Variants in ATAD2B observed in about 807,000 individuals in gnomAD.
The protein encoded by ATAD2B is ATPase family AAA domain containing 2B.
ATAD2B carries 40 observed loss-of-function variants against 167.6 expected under a neutral mutation model. That is an observed-to-expected ratio of 0.24 (90% CI 0.19 to 0.31). The LOEUF is 0.31. Ranked by LOEUF, ATAD2B falls within the 10% of genes least tolerant of loss-of-function variation. ATAD2B has a pLI of 1.00. For synonymous variants in ATAD2B, 579 were observed against 596.5 expected (o/e 0.97, Z 0.43); for missense variants, 1,242 against 1,757.2 (o/e 0.71, Z 5.24).
the ATAD2B span, among the ~76,000 whole-genome samples, chr2:23,705,343 T>C: frequency 6.6e-6 from 1 of 151,980 alleles, no homozygotes; most frequent in Non-Finnish European, 1.5e-5. Context: ...ATACAAAAAT[T>C]AGCCAGGTGT....
chr2:23,683,263 C>G, the ATAD2B span, among the ~76,000 whole-genome samples: 15,391 of 152,310 alleles, frequency 0.1, 877 homozygotes, highest in Middle Eastern at 0.17. Context: ...AGGCCACCCT[C>G]TCCCACACAC....
chr2:23,769,654 A>C (rs140554621), intron 22 of ATAD2B, among the ~76,000 whole-genome samples: 3 of 148,508 alleles, frequency 2.0e-5, no homozygotes, highest in African/African-American at 7.5e-5. Flanking sequence ...ATTACATTTG[A>C]TATGGTCTTT....
chr2:23,895,291 A>AT (rs1700028322), intron 2 of ATAD2B, among the ~76,000 whole-genome samples: 1 of 152,092 alleles, frequency 6.6e-6, no homozygotes, highest in South Asian at 2.1e-4. Context: ...ATTAAACTTA[A>AT]TTTTAGTCAG....
the ATAD2B span, among the ~76,000 whole-genome samples, chr2:23,702,618 G>A: frequency 6.6e-5 from 10 of 152,216 alleles, no homozygotes; most frequent in African/African-American, 1.4e-4. Flanking sequence ...GGGTATCAGC[G>A]CCTCCAGAAA....
chr2:23,679,446 A>T, the ATAD2B span, among the ~76,000 whole-genome samples: 7 of 152,322 alleles, frequency 4.6e-5, no homozygotes, highest in African/African-American at 1.7e-4. Context: ...AGTGAAAGTG[A>T]GCAAAGCTTC....
At chr2:23,889,066 T>G (rs34074829) in intron 2 of ATAD2B, among the ~76,000 whole-genome samples, 3,979 of 152,310 alleles carry the variant, frequency 0.026, 174 homozygotes, top group African/African-American at 0.091. Flanking sequence ...GAGTTGTCAA[T>G]GCAAACTAAG....
the ATAD2B span, among the ~76,000 whole-genome samples, chr2:23,710,915 A>C: frequency 6.6e-6 from 1 of 152,168 alleles, no homozygotes; most frequent in Non-Finnish European, 1.5e-5. Flanking sequence ...GCAGATGCTG[A>C]GGGATGACCG....
chr2:23,789,144 T>C (rs1034857376), intron 19 of ATAD2B, among the ~76,000 whole-genome samples: 1 of 152,074 alleles, frequency 6.6e-6, no homozygotes, highest in Non-Finnish European at 1.5e-5. Flanking sequence ...GCAAAGAAAC[T>C]ATACCTCTAG....
chr2:23,735,828 C>T, the ATAD2B span, among the ~76,000 whole-genome samples: 1 of 152,184 alleles, frequency 6.6e-6, no homozygotes, highest in African/African-American at 2.4e-5. Flanking sequence ...AACTCCATCA[C>T]CTCCAAGCAC....
the ATAD2B span, among the ~76,000 whole-genome samples, chr2:23,726,857 G>A: frequency 1.9e-4 from 29 of 152,234 alleles, no homozygotes; most frequent in African/African-American, 5.1e-4. Flanking sequence ...AAAGTGCTCC[G>A]GAGATGGATG....
intron 19 of ATAD2B, among the ~76,000 whole-genome samples, chr2:23,793,735 G>A (rs914320957): frequency 6.6e-6 from 1 of 152,118 alleles, no homozygotes; most frequent in Non-Finnish European, 1.5e-5. Flanking sequence ...CAATGTGTTA[G>A]CACTGTGCTA....
chr2:23,843,843 A>G (rs1262935750), intron 13 of ATAD2B, among the ~76,000 whole-genome samples: 1 of 152,228 alleles, frequency 6.6e-6, no homozygotes, highest in Non-Finnish European at 1.5e-5. Context: ...TTCAAAGGTC[A>G]TTGCCCATAA....
chr2:23,807,907 A>AATATAAATATATAAATATATTTATAATAT (rs1223276603), intron 18 of ATAD2B, among the ~76,000 whole-genome samples: 4,275 of 129,136 alleles, frequency 0.033, 151 homozygotes, highest in Non-Finnish European at 0.054. Flanking sequence ...AAAATATATA[A>AATATAAATATATAAATATATTTATAATAT]ATATAAATAT....
rs555808935 is a variant in ATAD2B at position 23,925,645 on chromosome 2, AAAT to A, written c.216+907_216+909del. Among the ~76,000 whole-genome samples the A allele has an allele frequency of 3.5e-3, 527 of 152,366 alleles. 4 individuals are homozygous for A. Among genetic ancestry groups the A allele is most frequent in the African/African-American group, 0.012 (512 of 41,588 alleles). Reference sequence around the variant, plus strand: ...AACGTGTCAATTCCTTTAAAACAATAAATATCTGTGCTTAGCTTTATAATGTAG... The same window carrying A: ...AACGTGTCAATTCCTTTAAAACAATAATCTGTGCTTAGCTTTATAATGTAG... On this transcript the variant is annotated intron_variant, in intron 1 of 27. Coordinates refer to ENST00000238789, the MANE Select transcript of ATAD2B (RefSeq NM_017552.4).
In ATAD2B at chr2:23,751,516, C is replaced by G. The variant is rs913576681; in HGVS notation, c.*530G>C. On this transcript the variant is annotated 3_prime_UTR_variant, in exon 28 of 28. Transcript: ENST00000238789. ...AGTTCTAAAGAGCCTGACCTAATTT[C>G]ATCCAGTTTCTTCAGCTTCCCACCA... is the stretch of plus-strand genomic sequence containing the variant. The G allele has an allele frequency of 6.6e-6, 1 of 152,316 alleles. No individual in the cohort carries two copies. The highest frequency in any genetic ancestry group is 2.4e-5 in the African/African-American group (1 of 41,430). 9.4% of individuals were successfully genotyped at this position (152,316 alleles called of 1,614,324 possible). A position where few individuals can be genotyped will look rare whatever the true frequency, so the allele number is the denominator to read the frequency against.
intron 19 of ATAD2B, among the ~76,000 whole-genome samples, chr2:23,793,379 C>G (rs1682117272): frequency 1.3e-5 from 2 of 152,172 alleles, no homozygotes; most frequent in South Asian, 4.1e-4. Context: ...GGTTTACATT[C>G]CTTCCTACAA....
chr2:23,896,153 CAAAAAAAA>C (rs1158562523), intron 1 of ATAD2B, among the ~76,000 whole-genome samples, 183 bp from the exon 2 acceptor site: 1 of 125,618 alleles, frequency 8.0e-6, no homozygotes, highest in Non-Finnish European at 1.7e-5. Context: ...CCGCCTCTAC[CAAAAAAAA>C]AAAAAAAAAA....
downstream of ATAD2B, among the ~76,000 whole-genome samples, chr2:23,743,675 G>C (rs1027910138): frequency 1.3e-5 from 2 of 152,020 alleles, no homozygotes; most frequent in Admixed American, 6.5e-5. Flanking sequence ...ACTCAGGCTG[G>C]AGTGCAGGTG....
At chr2:23,858,487 T>C (rs144147296) in intron 12 of ATAD2B, among the ~76,000 whole-genome samples, 1,606 of 112,690 alleles carry the variant, frequency 0.014, 18 homozygotes, top group Middle Eastern at 0.047. Flanking sequence ...ACCTGTCTCA[T>C]TCTTTTTTTT....
Sources: gnomAD v4.1 joint callset for allele counts (sites outside exome capture counted in the v4.1 genomes callset) on GRCh38, gnomAD v4.1.1 for gene constraint, MANE v1.5 for transcripts, NCBI Gene and HGNC (gene_info 2026-07-23, HGNC 2026-07-21) for gene names.